NEK1: variants seen among roughly 807,000 people sequenced by gnomAD.
NEK1 encodes the protein NIMA related kinase 1, also known as serine/threonine-protein kinase Nek1.
Under a neutral mutation model 182.1 loss-of-function variants are expected in NEK1, and 137 were observed. That is an observed-to-expected ratio of 0.75 (90% CI 0.65 to 0.87). The LOEUF (loss-of-function observed/expected upper bound fraction) is 0.87, where lower values mean the gene tolerates loss of function less well. Ranked by LOEUF, NEK1 falls within the 40% of genes least tolerant of loss-of-function variation. NEK1 has a pLI of 0.00. For missense variants in NEK1, 1,391 were observed against 1,494.4 expected (o/e 0.93, Z 1.14); for synonymous variants, 513 against 492.2 (o/e 1.04, Z -0.56).
intron 2 of NEK1, among the ~76,000 whole-genome samples, chr4:169,607,919 T>C (rs1471343074): frequency 2.0e-5 from 3 of 151,420 alleles, no homozygotes; most frequent in Non-Finnish European, 4.4e-5. Flanking sequence ...ACAAAAAAAC[T>C]GAGAGAAAAA....
At chr4:169,428,377 A>G (rs12505154) in intron 29 of NEK1, among the ~76,000 whole-genome samples, 1,207 of 34,204 alleles carry the variant, frequency 0.035, 76 homozygotes, top group Admixed American at 0.27. Flanking sequence ...TATATAATGG[A>G]ATATTATTCA....
chr4:169,560,112 T>G (rs999076252), intron 16 of NEK1, among the ~76,000 whole-genome samples: 2 of 152,230 alleles, frequency 1.3e-5, no homozygotes, highest in Non-Finnish European at 2.9e-5. Context: ...TTTAGTAGCT[T>G]AAAACAATAT....
intron 29 of NEK1, among the ~76,000 whole-genome samples, chr4:169,426,467 A>G (rs1243114765): frequency 1.3e-5 from 2 of 152,198 alleles, no homozygotes; most frequent in Non-Finnish European, 2.9e-5. Context: ...ACCATGTTTT[A>G]TAACAATGGT....
At chr4:169,417,809 G>A (rs1734796544) in intron 31 of NEK1, among the ~76,000 whole-genome samples, 1 of 152,186 alleles carries the variant, frequency 6.6e-6, no homozygotes, top group South Asian at 2.1e-4. Context: ...ATCCCTGTGA[G>A]AAGGGAAATG....
intron 27 of NEK1, among the ~76,000 whole-genome samples, chr4:169,446,208 C>T (rs199756203): frequency 2.6e-5 from 4 of 151,286 alleles, no homozygotes; most frequent in Admixed American, 2.0e-4. Context: ...TCAAGCAGAA[C>T]AAAATCAAAC....
chr4:169,503,163 T>C lies in NEK1; in HGVS notation c.2007+3874A>G, dbSNP rs371205576. Reference sequence around the variant, plus strand: ...CACACAAAAATACTGAGGAATACATTTACCCAAGGAGGTGAAAGATCTCTA... The same window carrying C: ...CACACAAAAATACTGAGGAATACATCTACCCAAGGAGGTGAAAGATCTCTA... On this transcript the variant is annotated intron_variant, in intron 23 of 35. Coordinates refer to ENST00000507142, the MANE Select transcript of NEK1 (RefSeq NM_001199397.3). Among the ~76,000 whole-genome samples the C allele has an allele frequency of 2.0e-5, 3 of 151,926 alleles. No homozygotes were observed. The East Asian group carries it at 5.8e-4, about 29-fold the overall frequency.
intron 9 of NEK1, 69 bp from the exon 10 acceptor site, chr4:169,585,618 G>A (rs1767409646): frequency 1.0e-6 from 1 of 985,218 alleles, no homozygotes; most frequent in Non-Finnish European, 1.5e-6. Context: ...TCGGTAATGA[G>A]AAATAGTTCT....
intron 18 of NEK1, chr4:169,555,228 A>G (rs1183779646): frequency 6.1e-6 from 1 of 164,310 alleles, no homozygotes; most frequent in Non-Finnish European, 1.3e-5. Context: ...TATTAATTCA[A>G]TGGAAGAAAA....
chr4:169,460,095 A>G (rs1257803136), intron 27 of NEK1, among the ~76,000 whole-genome samples: 1 of 152,066 alleles, frequency 6.6e-6, no homozygotes, highest in African/African-American at 2.4e-5. Flanking sequence ...TGGGCTATTG[A>G]TGGTGGGGGA....
intron 29 of NEK1, among the ~76,000 whole-genome samples, chr4:169,428,372 A>ATATAT (rs1554029052): frequency 6.9e-6 from 1 of 144,676 alleles, no homozygotes; most frequent in South Asian, 2.2e-4. Context: ...ATATATATAT[A>ATATAT]ATGGAATATT....
chr4:169,566,564 C>G (rs998579084), intron 12 of NEK1, among the ~76,000 whole-genome samples: 2 of 152,074 alleles, frequency 1.3e-5, no homozygotes, highest in African/African-American at 4.8e-5. Flanking sequence ...CTATGACTTA[C>G]AGGAACTGGA....
chr4:169,532,973 A>G (rs1403370627), intron 19 of NEK1, among the ~76,000 whole-genome samples: 3 of 151,058 alleles, frequency 2.0e-5, no homozygotes, highest in African/African-American at 7.3e-5. Context: ...GAACTAAAAG[A>G]AAAAAAAAGA....
chr4:169,565,315 A>G (rs1763508385), intron 12 of NEK1, among the ~76,000 whole-genome samples: 1 of 152,200 alleles, frequency 6.6e-6, no homozygotes, highest in South Asian at 2.1e-4. Context: ...AGACCCTGCT[A>G]CTTTCTATCA....
intron 30 of NEK1, 36 bp downstream of exon 30, chr4:169,426,110 T>C (rs1332459953): frequency 6.7e-7 from 1 of 1,482,316 alleles, no homozygotes; most frequent in South Asian, 1.2e-5. Context: ...ATTAACATCT[T>C]CCAGAAAGTA....
rs1227819951 is a variant in NEK1, at chr4:169,423,725, T to C, written c.3222+828A>G. 2.0e-5 allele frequency among the ~76,000 whole-genome samples: 3 copies of C among 152,110 alleles called. No homozygotes were observed. The South Asian group carries it at 6.2e-4, about 32-fold the overall frequency. On this transcript the variant is annotated intron_variant, in intron 31 of 35. Coordinates refer to ENST00000507142, the MANE Select transcript of NEK1 (RefSeq NM_001199397.3). ...TATTTTAGGGAAATAATTGTAGATA[T>C]GTACAAAGATAAGAGGTGTGATTAC...
At chr4:169,492,663 A>G (rs1041356292) in intron 23 of NEK1, among the ~76,000 whole-genome samples, 6 of 151,896 alleles carry the variant, frequency 4.0e-5, no homozygotes, top group African/African-American at 1.5e-4. Flanking sequence ...CTGTGGTGCC[A>G]CTCCCCTTGC....
intron 30 of NEK1, among the ~76,000 whole-genome samples, chr4:169,425,826 T>C (rs1736292357): frequency 6.6e-6 from 1 of 152,198 alleles, no homozygotes; most frequent in South Asian, 2.1e-4. Flanking sequence ...CCTACCTTTC[T>C]TACATTTTAA....
intron 26 of NEK1, among the ~76,000 whole-genome samples, chr4:169,474,399 CAAT>C (rs540310503): frequency 5.4e-4 from 83 of 152,334 alleles, no homozygotes; most frequent in African/African-American, 1.9e-3. Context: ...CACAAGGTTA[CAAT>C]GACTCTACAT....
chr4:169,431,908 A>G (rs1737515349), intron 29 of NEK1, among the ~76,000 whole-genome samples: 1 of 152,042 alleles, frequency 6.6e-6, no homozygotes, highest in Non-Finnish European at 1.5e-5. Flanking sequence ...AAAATAAACT[A>G]TATACTTCAG....
Sources: gnomAD v4.1 joint callset for allele counts (sites outside exome capture counted in the v4.1 genomes callset) on GRCh38, gnomAD v4.1.1 for gene constraint, MANE v1.5 for transcripts, NCBI Gene and HGNC (gene_info 2026-07-23, HGNC 2026-07-21) for gene names.